The following TRIM9 variants were observed in gnomAD, a reference collection of about 807,000 sequenced individuals.
The protein encoded by TRIM9 is E3 ubiquitin-protein ligase TRIM9.
In TRIM9, 26 loss-of-function variants were observed where a neutral mutation model predicts 78.3. That is an observed-to-expected ratio of 0.33 (90% confidence interval 0.24 to 0.46). The LOEUF (loss-of-function observed/expected upper bound fraction) is 0.46. Among genes scored for constraint, TRIM9 ranks in the 20% least tolerant of loss-of-function variants. The pLI, the probability that TRIM9 is intolerant of heterozygous loss-of-function variation, is 1.00. For synonymous variants in TRIM9, 398 were observed against 416.5 expected (o/e 0.96, Z 0.54); for missense variants, 787 against 1,036.4 (o/e 0.76, Z 3.30).
chr14:51,018,546 T>C (rs1219863397), intron 3 of TRIM9, among the ~76,000 whole-genome samples: 1 of 152,154 alleles, frequency 6.6e-6, no homozygotes, highest in Non-Finnish European at 1.5e-5. Flanking sequence ...TAACAGGCAA[T>C]ACATGGTAAA....
rs548279132 is a variant in TRIM9, at chr14:50,990,319, T to C, written c.1604-4175A>G. On this transcript the variant is annotated intron_variant, in intron 7 of 12. Transcript: ENST00000684578. Reference sequence around the variant, plus strand: ...GGCATGAGCCATGGCACCCAGCCCATATATTTCTTTTATTTGTTCATTAGC... The same window carrying C: ...GGCATGAGCCATGGCACCCAGCCCACATATTTCTTTTATTTGTTCATTAGC... 9.8e-5 allele frequency among the ~76,000 whole-genome samples: 15 copies of C among 152,312 alleles called. 1 individual carries two copies. The highest frequency in any genetic ancestry group is 3.4e-3 in the Middle Eastern group (1 of 294).
At chr14:50,993,851 A>ATAT (rs1306229824) in intron 7 of TRIM9, among the ~76,000 whole-genome samples, 1 of 152,182 alleles carries the variant, frequency 6.6e-6, no homozygotes, top group African/African-American at 2.4e-5. Flanking sequence ...TGGATCTGAC[A>ATAT]TATTATTATA....
At chr14:51,069,856 T>C (rs1422739540) in intron 1 of TRIM9, among the ~76,000 whole-genome samples, 1 of 152,196 alleles carries the variant, frequency 6.6e-6, no homozygotes, top group Non-Finnish European at 1.5e-5. Flanking sequence ...GGTGGAAAAA[T>C]ACAGTCAATC....
intron 10 of TRIM9, 84 bp from the exon 11 acceptor site, chr14:50,982,187 C>A (rs1008907986): frequency 2.7e-6 from 4 of 1,485,432 alleles, no homozygotes; most frequent in Non-Finnish European, 3.7e-6. Context: ...GGGTGAGGAG[C>A]GTTGTGTAGC....
At chr14:51,036,959 T>C (rs545897660) in intron 1 of TRIM9, among the ~76,000 whole-genome samples, 53 of 152,340 alleles carry the variant, frequency 3.5e-4, no homozygotes, top group Middle Eastern at 3.4e-3. Flanking sequence ...TTACCTTTTA[T>C]AGATTTATAT....
At chr14:51,024,252 C>T (rs2058023551) in intron 2 of TRIM9, among the ~76,000 whole-genome samples, 1 of 152,114 alleles carries the variant, frequency 6.6e-6, no homozygotes, top group African/African-American at 2.4e-5. Flanking sequence ...TGGGGCTGCA[C>T]ATTTTATGCC....
At chr14:51,085,907 C>A (rs1308577106) in intron 1 of TRIM9, among the ~76,000 whole-genome samples, 1 of 152,154 alleles carries the variant, frequency 6.6e-6, no homozygotes, top group Non-Finnish European at 1.5e-5. Context: ...GCAGGATGAA[C>A]CCCATCTCTG....
chr14:51,094,981 G>C lies in TRIM9; in HGVS notation c.-42C>G. 1 of 1,365,976 alleles carries C rather than the reference G, an allele frequency of 7.3e-7. No individual in the cohort carries two copies. Among genetic ancestry groups the C allele is most frequent in the South Asian group, 2.1e-5 (1 of 48,758 alleles). 84.6% of individuals were successfully genotyped at this position (1,365,976 alleles called of 1,614,324 possible). A position where few individuals can be genotyped will look rare whatever the true frequency, so the allele number is the denominator to read the frequency against. Reference sequence around the variant, plus strand: ...GGAGACAGCGACGGCTGCAGCGGGTGCCTGAGCTGGCGAGGTGGCCGACGG... The same window carrying C: ...GGAGACAGCGACGGCTGCAGCGGGTCCCTGAGCTGGCGAGGTGGCCGACGG... On this transcript the variant is annotated 5_prime_UTR_variant, in exon 1 of 13. Coordinates refer to ENST00000684578, the MANE Select transcript of TRIM9 (RefSeq NM_001387360.1).
intron 7 of TRIM9, chr14:50,996,137 G>C (rs749043748): frequency 1.2e-5 from 12 of 985,120 alleles, no homozygotes; most frequent in Non-Finnish European, 1.4e-5. Context: ...AGAGAATACT[G>C]ATATCTATAT....
At chr14:51,039,773 G>T (rs1315324286) in intron 1 of TRIM9, among the ~76,000 whole-genome samples, 2 of 151,062 alleles carry the variant, frequency 1.3e-5, no homozygotes, top group Non-Finnish European at 2.9e-5. Flanking sequence ...TTTTGAGGCG[G>T]AGTCTCTCTG....
At chr14:50,978,423 C>G (rs556634135) in intron 12 of TRIM9, among the ~76,000 whole-genome samples, 1 of 152,302 alleles carries the variant, frequency 6.6e-6, no homozygotes, top group African/African-American at 2.4e-5. Flanking sequence ...CCCTTCCAGG[C>G]CCCAGCCCAA....
rs75274687 is a variant in TRIM9 at position 51,063,267 on chromosome 14, G to A, written c.822+30851C>T. ...CTGGAGTAGGCGGAATAAAAAATTC[G>A]GAAGGCATCAATAATAATTATTCAA... On this transcript the variant is annotated intron_variant, in intron 1 of 12. Transcript: ENST00000684578. Among the ~76,000 whole-genome samples, 958 of 152,072 alleles carry A rather than the reference G, an allele frequency of 6.3e-3. 8 individuals carry two copies. The highest frequency in any genetic ancestry group is 0.022 in the African/African-American group (919 of 41,496).
intron 5 of TRIM9, 80 bp downstream of exon 5, chr14:51,009,000 C>G (rs2056216106): frequency 7.0e-7 from 1 of 1,437,302 alleles, no homozygotes. Flanking sequence ...TTACATTAGC[C>G]AAAGGGGTAC....
chr14:51,007,800 CAAAAAA>C (rs3029461), intron 5 of TRIM9, among the ~76,000 whole-genome samples: 3 of 132,836 alleles, frequency 2.3e-5, no homozygotes, highest in Non-Finnish European at 3.2e-5. Context: ...CATATTAAAC[CAAAAAA>C]AAAAAAAAAA....
At chr14:51,059,811 C>CAAA (rs1394229642) in intron 1 of TRIM9, among the ~76,000 whole-genome samples, 1 of 134,864 alleles carries the variant, frequency 7.4e-6, no homozygotes, top group African/African-American at 2.7e-5. Flanking sequence ...AAAAAAAAAA[C>CAAA]AAAAAAAACA....
chr14:51,013,226 ATTTTT>A (rs72053355), intron 3 of TRIM9, among the ~76,000 whole-genome samples: 1 of 140,046 alleles, frequency 7.1e-6, no homozygotes, highest in Non-Finnish European at 1.6e-5. Flanking sequence ...GTCTAACTTC[ATTTTT>A]TTTTTTTTTT....
chr14:51,014,083 GTC>G (rs2056885273), intron 3 of TRIM9, among the ~76,000 whole-genome samples: 9 of 152,302 alleles, frequency 5.9e-5, no homozygotes, highest in Admixed American at 5.9e-4. Flanking sequence ...CCCAGAGTCA[GTC>G]TGCTTTTGAG....
rs576637120 is a variant in TRIM9, at chr14:51,012,692, C to G, written c.1042-2198G>C. Among the ~76,000 whole-genome samples the G allele has an allele frequency of 2.0e-5, 3 of 152,272 alleles. No individual in the cohort carries two copies. The East Asian group carries it at 5.8e-4, about 29-fold the overall frequency. On this transcript the variant is annotated intron_variant, in intron 3 of 12. Transcript: ENST00000684578. ...TTCCCACAGCAATGCACAAGGGTTC[C>G]AATTTCTCCACATCCTCGCCCACAC... is the stretch of plus-strand genomic sequence containing the variant.
At chr14:51,057,091 C>CATT (rs1435201597) in intron 1 of TRIM9, among the ~76,000 whole-genome samples, 1 of 152,230 alleles carries the variant, frequency 6.6e-6, no homozygotes, top group Non-Finnish European at 1.5e-5. Context: ...GGCTCTCAGA[C>CATT]ATTATATCTG....
Sources: allele counts gnomAD v4.1 joint callset (sites outside exome capture counted in the v4.1 genomes callset), GRCh38; gene constraint gnomAD v4.1.1; transcripts MANE v1.5; gene names NCBI Gene and HGNC (gene_info 2026-07-23, HGNC 2026-07-21).